TNIK: variants seen among roughly 807,000 people sequenced by gnomAD.
TNIK encodes the protein TRAF2 and NCK interacting kinase.
In TNIK, 49 loss-of-function variants were observed where a neutral mutation model predicts 191.3. The ratio of observed to expected loss-of-function variants is 0.26; its 90% CI spans 0.20 to 0.32. The LOEUF (loss-of-function observed/expected upper bound fraction) is 0.32, where lower values mean the gene tolerates loss of function less well. Ranked by LOEUF, TNIK falls within the 10% of genes least tolerant of loss-of-function variation. TNIK has a pLI of 1.00. For missense variants in TNIK, 1,155 were observed against 1,702.3 expected, an observed-to-expected ratio of 0.68 and a Z score of 5.66; for synonymous variants, 594 against 600.9, an observed-to-expected ratio of 0.99 and a Z score of 0.17.
intron 2 of TNIK, among the ~76,000 whole-genome samples, chr3:171,251,345 T>C (rs1416209638): frequency 1.3e-5 from 2 of 152,234 alleles, no homozygotes; most frequent in African/African-American, 4.8e-5. Context: ...GGCTGGCTAC[T>C]TGTGTTGTTA....
In TNIK at chr3:171,437,459, C is replaced by G. The variant is rs900029549; in HGVS notation, c.57+22548G>C. ...GCTAAAAATGAAACGAAGAAACACA[C>G]AAATGCAAGCATAGGCAGGGGAGGC... is the stretch of plus-strand genomic sequence containing the variant. On this transcript the variant is annotated intron_variant, in intron 1 of 32. Coordinates refer to ENST00000436636, the MANE Select transcript of TNIK (RefSeq NM_015028.4). 2.0e-5 allele frequency among the ~76,000 whole-genome samples: 3 copies of G among 152,346 alleles called. No individual in the cohort carries two copies. In the East Asian group the frequency reaches 5.8e-4, roughly 29 times the overall value.
At chr3:171,341,332 G>C (rs1757488212) in intron 2 of TNIK, among the ~76,000 whole-genome samples, 1 of 151,698 alleles carries the variant, frequency 6.6e-6, no homozygotes, top group Non-Finnish European at 1.5e-5. Context: ...AATTAGCCAG[G>C]TCTGGTGGCA....
intron 18 of TNIK, 55 bp downstream of exon 18, chr3:171,123,541 A>C: frequency 7.1e-7 from 1 of 1,404,658 alleles, no homozygotes; most frequent in Non-Finnish European, 9.6e-7. Context: ...GAAAGCAATA[A>C]TGACAATGGT....
At chr3:171,111,828 A>C (rs1262273598) in intron 18 of TNIK, among the ~76,000 whole-genome samples, 1 of 152,232 alleles carries the variant, frequency 6.6e-6, no homozygotes, top group Non-Finnish European at 1.5e-5. Context: ...AAAAAGACAA[A>C]TACTACATGA....
At chr3:171,321,191 A>T (rs1444571803) in intron 2 of TNIK, among the ~76,000 whole-genome samples, 1 of 152,244 alleles carries the variant, frequency 6.6e-6, no homozygotes, top group African/African-American at 2.4e-5. Flanking sequence ...AAAAGCACTC[A>T]ATCACAACTG....
intron 15 of TNIK, among the ~76,000 whole-genome samples, chr3:171,136,801 T>C (rs1279261027): frequency 6.6e-6 from 1 of 152,210 alleles, no homozygotes; most frequent in African/African-American, 2.4e-5. Context: ...TTTAGCAGCA[T>C]AGTGATTTTG....
intron 28 of TNIK, among the ~76,000 whole-genome samples, chr3:171,074,769 C>T (rs775769028): frequency 2.6e-5 from 4 of 152,084 alleles, no homozygotes; most frequent in Admixed American, 6.5e-5. Flanking sequence ...ACTCGTGCTA[C>T]AAGAAGATGT....
chr3:171,098,190 T>C (rs1722993096), intron 22 of TNIK, among the ~76,000 whole-genome samples: 2 of 152,186 alleles, frequency 1.3e-5, no homozygotes. Context: ...CATTTGCTGG[T>C]ATTTGAGGGA....
intron 12 of TNIK, among the ~76,000 whole-genome samples, chr3:171,153,194 T>TA (rs1432174151): frequency 1.1e-4 from 16 of 152,180 alleles, no homozygotes; most frequent in Non-Finnish European, 1.6e-4. Context: ...GCTTGCATAC[T>TA]AAATCTTTGC....
intron 12 of TNIK, among the ~76,000 whole-genome samples, chr3:171,149,787 G>A (rs1219620155): frequency 1.3e-5 from 2 of 152,208 alleles, no homozygotes; most frequent in Admixed American, 1.3e-4. Flanking sequence ...TGAAATAACA[G>A]AGCAAAAGCC....
chr3:171,107,046 C>G, intron 21 of TNIK, 137 bp downstream of exon 21: 3 of 849,114 alleles, frequency 3.5e-6, no homozygotes, highest in Non-Finnish European at 5.5e-6. Flanking sequence ...TTTGAAGGGG[C>G]ACTCCTCCCA....
intron 1 of TNIK, among the ~76,000 whole-genome samples, chr3:171,457,217 T>G (rs1180347485): frequency 6.6e-6 from 1 of 152,260 alleles, no homozygotes; most frequent in African/African-American, 2.4e-5. Context: ...AGTGCTGTCA[T>G]TGGTTGCTCT....
intron 5 of TNIK, among the ~76,000 whole-genome samples, chr3:171,193,767 A>G (rs1452585724): frequency 6.6e-6 from 1 of 152,230 alleles, no homozygotes; most frequent in African/African-American, 2.4e-5. Flanking sequence ...AATGGCCAGG[A>G]AGATTTAATA....
intron 1 of TNIK, among the ~76,000 whole-genome samples, chr3:171,370,062 G>C (rs570577456): frequency 6.6e-6 from 1 of 152,318 alleles, no homozygotes; most frequent in Non-Finnish European, 1.5e-5. Flanking sequence ...TAATGTTCCA[G>C]GGTATTTCTC....
At chr3:171,321,457 T>C (rs1279768416) in intron 2 of TNIK, among the ~76,000 whole-genome samples, 1 of 152,194 alleles carries the variant, frequency 6.6e-6, no homozygotes, top group Non-Finnish European at 1.5e-5. Flanking sequence ...TCCATTGTTT[T>C]GATATTTGAG....
chr3:171,264,328 C>T (rs546555617), intron 2 of TNIK, among the ~76,000 whole-genome samples: 13 of 146,892 alleles, frequency 8.9e-5, no homozygotes, highest in East Asian at 2.0e-4. Context: ...ATTGTATACA[C>T]GTATAATACA....
chr3:171,095,773 T>TA (rs1264410930), intron 22 of TNIK, among the ~76,000 whole-genome samples: 2 of 152,210 alleles, frequency 1.3e-5, no homozygotes, highest in Non-Finnish European at 2.9e-5. Flanking sequence ...TTGCAATTAC[T>TA]AAACTGGAGC....
intron 2 of TNIK, among the ~76,000 whole-genome samples, chr3:171,342,978 A>C (rs1056079057): frequency 2.0e-5 from 3 of 152,208 alleles, no homozygotes; most frequent in African/African-American, 7.2e-5. Flanking sequence ...CATGTAAGAC[A>C]TGCCTTTGCT....
intron 2 of TNIK, among the ~76,000 whole-genome samples, chr3:171,309,466 T>G (rs896101271): frequency 6.6e-6 from 1 of 152,148 alleles, no homozygotes; most frequent in African/African-American, 2.4e-5. Context: ...GCTTACCATC[T>G]GGGTGAACAA....
Sources: allele counts gnomAD v4.1 joint callset (sites outside exome capture counted in the v4.1 genomes callset), GRCh38; gene constraint gnomAD v4.1.1; transcripts MANE v1.5; gene names NCBI Gene and HGNC (gene_info 2026-07-23, HGNC 2026-07-21).